The following PPP2R5E variants were observed in gnomAD, a reference collection of about 807,000 sequenced individuals.
PPP2R5E encodes the protein protein phosphatase 2 regulatory subunit B'epsilon, also known as serine/threonine-protein phosphatase 2A 56 kDa regulatory subunit epsilon isoform.
PPP2R5E carries 4 observed loss-of-function variants against 65.3 expected under a neutral mutation model. The observed-to-expected ratio is 0.06, with a 90% CI of 0.03 to 0.14. PPP2R5E has a LOEUF of 0.14. Ranked by LOEUF, PPP2R5E falls within the 10% of genes least tolerant of loss-of-function variation. The probability of loss-of-function intolerance (pLI) is 1.00; values close to 1 mark genes in which losing one functional copy is unlikely to be tolerated. For synonymous variants in PPP2R5E, 183 were observed against 187.4 expected (o/e 0.98, Z 0.19); for missense variants, 274 against 556.1 (o/e 0.49, Z 5.10).
At chr14:63,399,402 A>G (rs1885617005) in intron 5 of PPP2R5E, among the ~76,000 whole-genome samples, 1 of 60,078 alleles carries the variant, frequency 1.7e-5, no homozygotes, top group African/African-American at 5.6e-5. Context: ...TTTTTTTGAG[A>G]CAGAGTCTTG....
At chr14:63,461,719 A>G (rs1463642039) in intron 2 of PPP2R5E, among the ~76,000 whole-genome samples, 2 of 151,634 alleles carry the variant, frequency 1.3e-5, no homozygotes, top group East Asian at 3.9e-4. Context: ...TGGGAGGATC[A>G]CTTCAGCCCA....
chr14:63,421,332 GA>G (rs1887010402), intron 4 of PPP2R5E, among the ~76,000 whole-genome samples: 1 of 152,038 alleles, frequency 6.6e-6, no homozygotes, highest in Admixed American at 6.6e-5. Context: ...GAACGAGCTG[GA>G]AAATTACCAG....
chr14:63,536,393 G>T (rs1004160667), intron 2 of PPP2R5E, among the ~76,000 whole-genome samples: 4 of 152,146 alleles, frequency 2.6e-5, no homozygotes, highest in African/African-American at 9.7e-5. Flanking sequence ...AATGAGTGAT[G>T]GTGAGGATAT....
chr14:63,469,633 G>A (rs1890015776), intron 2 of PPP2R5E, among the ~76,000 whole-genome samples: 1 of 152,230 alleles, frequency 6.6e-6, no homozygotes, highest in Non-Finnish European at 1.5e-5. Context: ...GGCGGAGCTG[G>A]CAGTGAGCCG....
intron 10 of PPP2R5E, among the ~76,000 whole-genome samples, chr14:63,390,920 A>G (rs1884981992): frequency 6.6e-6 from 1 of 152,248 alleles, no homozygotes; most frequent in African/African-American, 2.4e-5. Flanking sequence ...CTCACAAAGT[A>G]GCACATGCCT....
chr14:63,479,131 A>G (rs1015534358), intron 2 of PPP2R5E: 3 of 152,204 alleles, frequency 2.0e-5, no homozygotes, highest in Non-Finnish European at 4.4e-5. Flanking sequence ...TGTTTCAAAA[A>G]AAGAAAGAAA....
At chr14:63,417,873 G>A (rs1886787176) in intron 4 of PPP2R5E, among the ~76,000 whole-genome samples, 1 of 152,064 alleles carries the variant, frequency 6.6e-6, no homozygotes. Context: ...CATATATACA[G>A]CACTGTTATA....
chr14:63,395,373 G>C, intron 6 of PPP2R5E, 88 bp from the exon 7 acceptor site: 4 of 740,854 alleles, frequency 5.4e-6, no homozygotes, highest in Non-Finnish European at 8.6e-6. Flanking sequence ...AGGAGAAGGG[G>C]GAGGAGGAGG....
At chr14:63,470,188 C>G (rs1890044657) in intron 2 of PPP2R5E, among the ~76,000 whole-genome samples, 1 of 152,116 alleles carries the variant, frequency 6.6e-6, no homozygotes, top group Non-Finnish European at 1.5e-5. Flanking sequence ...CCTCCCATTT[C>G]AGCCTCCCAA....
Position 63,423,992 on chromosome 14 carries a change from T to C in PPP2R5E, c.355-1898A>G, listed in dbSNP as rs1887184574. Among the ~76,000 whole-genome samples, 4 of 151,850 alleles carry C rather than the reference T, an allele frequency of 2.6e-5. No individual in the cohort carries two copies. In the South Asian group the frequency reaches 8.3e-4, roughly 31 times the overall value. On this transcript the variant is annotated intron_variant, in intron 3 of 13. Coordinates refer to ENST00000337537, the MANE Select transcript of PPP2R5E (RefSeq NM_006246.5). ...ACAGAGAAGTGGCATGATCTGATTT[T>C]TGCTTAAAAAAAAAAATCACTCCAA...
chr14:63,425,544 G>A (rs1003189449), intron 3 of PPP2R5E, among the ~76,000 whole-genome samples: 2 of 152,122 alleles, frequency 1.3e-5, no homozygotes, highest in African/African-American at 4.8e-5. Context: ...AAAAATCTGG[G>A]TAAAGAAACA....
chr14:63,477,073 C>T (rs1232413806), intron 2 of PPP2R5E, among the ~76,000 whole-genome samples: 1 of 152,060 alleles, frequency 6.6e-6, no homozygotes, highest in East Asian at 1.9e-4. Flanking sequence ...CAGGAGTAGG[C>T]TTATAAAGGC....
intron 2 of PPP2R5E, among the ~76,000 whole-genome samples, chr14:63,499,630 A>G (rs1197904792): frequency 2.0e-5 from 3 of 152,108 alleles, no homozygotes; most frequent in South Asian, 2.1e-4. Context: ...GGGAGGCTGA[A>G]GCAGGAGAAT....
chr14:63,445,260 A>G (rs1258241417), intron 3 of PPP2R5E, among the ~76,000 whole-genome samples: 1 of 152,364 alleles, frequency 6.6e-6, no homozygotes. Flanking sequence ...AATAAAGCAA[A>G]TATCTCAATA....
chr14:63,387,045 G>C (rs986363008), intron 11 of PPP2R5E, among the ~76,000 whole-genome samples: 1 of 152,156 alleles, frequency 6.6e-6, no homozygotes, highest in African/African-American at 2.4e-5. Flanking sequence ...CAGAGGCATG[G>C]ACGAGGACAA....
intron 2 of PPP2R5E, among the ~76,000 whole-genome samples, chr14:63,482,500 C>T (rs1160169302): frequency 1.3e-5 from 2 of 151,996 alleles, no homozygotes; most frequent in East Asian, 1.9e-4. Context: ...CCATGAGTCA[C>T]GCGTGATTTT....
At chr14:63,502,804 G>C (rs1891955411) in intron 2 of PPP2R5E, among the ~76,000 whole-genome samples, 1 of 152,092 alleles carries the variant, frequency 6.6e-6, no homozygotes, top group Non-Finnish European at 1.5e-5. Flanking sequence ...ATCAGAAAAA[G>C]GTGTCTGAAA....
At chr14:63,447,953 C>T (rs1339379574) in intron 3 of PPP2R5E, among the ~76,000 whole-genome samples, 4 of 152,140 alleles carry the variant, frequency 2.6e-5, no homozygotes, top group Admixed American at 6.5e-5. Context: ...CAACATTTAT[C>T]GATTAAGTTT....
chr14:63,481,853 TA>T (rs1890719157), intron 2 of PPP2R5E, among the ~76,000 whole-genome samples: 2 of 152,320 alleles, frequency 1.3e-5, no homozygotes, highest in East Asian at 3.8e-4. Flanking sequence ...CTTTCGAGTC[TA>T]AAAATATTTT....
Sources: gnomAD v4.1 joint callset for allele counts (sites outside exome capture counted in the v4.1 genomes callset) on GRCh38, gnomAD v4.1.1 for gene constraint, MANE v1.5 for transcripts, NCBI Gene and HGNC (gene_info 2026-07-23, HGNC 2026-07-21) for gene names.